Variants in MCPH1 observed in about 807,000 individuals in gnomAD.
The protein encoded by MCPH1 is microcephalin 1.
Under a neutral mutation model 84.5 loss-of-function variants are expected in MCPH1, and 104 were observed. The ratio of observed to expected loss-of-function variants is 1.23; its 90% CI spans 1.05 to 1.45. The LOEUF (loss-of-function observed/expected upper bound fraction) is 1.45. MCPH1 is among the 40% of genes most tolerant of loss of function. The pLI, the probability that MCPH1 is intolerant of heterozygous loss-of-function variation, is 0.00. For missense variants in MCPH1, 1,498 were observed against 1,005.7 expected, an observed-to-expected ratio of 1.49 and a Z score of -6.62; for synonymous variants, 514 against 366.8, an observed-to-expected ratio of 1.40 and a Z score of -4.58.
At chr8:6,593,117 C>G (rs1446662981) in intron 12 of MCPH1, among the ~76,000 whole-genome samples, 1 of 125,066 alleles carries the variant, frequency 8.0e-6, no homozygotes, top group African/African-American at 3.0e-5. Context: ...GAGTTTCGCT[C>G]TTGTTGCCCA....
At position 6,646,709 on chromosome 8, in the gene MCPH1, C is replaced by T. The variant is rs568291601; in HGVS notation, c.*3660C>T. On this transcript the variant is annotated 3_prime_UTR_variant, in exon 14 of 14. Transcript: ENST00000344683. ...TGTAGAATGTTTAGCTGCATCCTGG[C>T]CTCTGCCTATTAGATGCCAGTGGCA... 2 of 152,308 alleles carry T rather than the reference C, an allele frequency of 1.3e-5. No individual in the cohort carries two copies. Among genetic ancestry groups the T allele is most frequent in the South Asian group, 4.1e-4 (2 of 4,830 alleles). 9.4% of individuals were successfully genotyped at this position (152,308 alleles called of 1,614,324 possible). A position where few individuals can be genotyped will look rare whatever the true frequency, so the allele number is the denominator to read the frequency against.
At chr8:6,484,218 CAG>C (rs778283416) in intron 11 of MCPH1, among the ~76,000 whole-genome samples, 32 of 152,114 alleles carry the variant, frequency 2.1e-4, no homozygotes, top group Non-Finnish European at 4.0e-4. Context: ...AATAAGAAAA[CAG>C]AACAGCTCAA....
chr8:6,521,317 T>C, intron 12 of MCPH1: 1 of 1,613,872 alleles, frequency 6.2e-7, no homozygotes, highest in Non-Finnish European at 8.5e-7. Context: ...TTTGCTTGGA[T>C]ACTAACACCT....
chr8:6,638,291 G>C (rs1325039960), intron 13 of MCPH1, among the ~76,000 whole-genome samples: 2 of 152,210 alleles, frequency 1.3e-5, no homozygotes, highest in Admixed American at 1.3e-4. Flanking sequence ...GATGTGGCTA[G>C]ATCTCCTAGC....
chr8:6,576,405 A>C (rs919333320), intron 12 of MCPH1, among the ~76,000 whole-genome samples: 2 of 152,152 alleles, frequency 1.3e-5, no homozygotes, highest in African/African-American at 4.8e-5. Context: ...ATAATGGCTC[A>C]TTATCCTCGC....
intron 10 of MCPH1, among the ~76,000 whole-genome samples, chr8:6,478,077 C>G (rs933980649): frequency 2.6e-5 from 4 of 152,160 alleles, no homozygotes; most frequent in African/African-American, 9.7e-5. Context: ...TTTAACACAA[C>G]AAAGAACATC....
At chr8:6,467,405 A>T (rs1350500690) in intron 9 of MCPH1, among the ~76,000 whole-genome samples, 1 of 152,174 alleles carries the variant, frequency 6.6e-6, no homozygotes, top group Non-Finnish European at 1.5e-5. Flanking sequence ...TTTGCAATCT[A>T]GTTCTCATCA....
At chr8:6,635,049 G>C (rs1041724270) in intron 13 of MCPH1, 1 of 152,176 alleles carries the variant, frequency 6.6e-6, no homozygotes, top group Non-Finnish European at 1.5e-5. Context: ...TGTGTTCAGT[G>C]ATGATGATGA....
chr8:6,412,147 G>T (rs1446116099), intron 2 of MCPH1, among the ~76,000 whole-genome samples: 1 of 152,184 alleles, frequency 6.6e-6, no homozygotes, highest in African/African-American at 2.4e-5. Context: ...TGAGTAAGAG[G>T]TCAGTGGAGA....
rs1452981227 is a variant in MCPH1 at position 6,442,141 on chromosome 8, G to A, written c.655G>A (p.Asp219Asn). ...TGAAGCACCTTTGAACATTTCACGT[G>A]ATACTTTGTGTTCAGGTAAAATTTT... ...LCEAPLNISR[D>N]TLCSDEYFAG... Residue 219 changes from aspartate (D) to asparagine (N), a missense_variant, in exon 7 of 14, where the codon GAT becomes AAT. Physicochemically the swap from Asp to Asn is conservative, Grantham distance 23. Coordinates refer to ENST00000344683, the MANE Select transcript of MCPH1 (RefSeq NM_024596.5). 2 of 1,607,970 alleles carry A rather than the reference G, an allele frequency of 1.2e-6. No homozygotes were observed. The highest frequency in any genetic ancestry group is 3.3e-5 in the Admixed American group (2 of 60,000).
intron 12 of MCPH1, among the ~76,000 whole-genome samples, chr8:6,560,213 T>C (rs568472766): frequency 4.6e-5 from 7 of 152,316 alleles, no homozygotes; most frequent in South Asian, 2.1e-4. Flanking sequence ...AAAGGAGATA[T>C]GGAAACATTT....
At chr8:6,501,782 C>G (rs1180169195) in intron 12 of MCPH1, 2 of 152,002 alleles carry the variant, frequency 1.3e-5, no homozygotes, top group African/African-American at 2.4e-5. Context: ...GTCTTGAACT[C>G]CTGACCTCAG....
chr8:6,476,412 A>G lies in MCPH1; in HGVS notation c.1936-1182A>G, dbSNP rs1462469583. The stretch of plus-strand genomic sequence containing the variant: ...CCATTGCACTCCAGTCTGGGCAACA[A>G]GAGCAAAACTCCATCTCAAAAAAAA... On this transcript the variant is annotated intron_variant, in intron 9 of 13. Transcript: ENST00000344683. Among the ~76,000 whole-genome samples, 29 of 150,458 alleles carry G rather than the reference A, an allele frequency of 1.9e-4. 2 individuals are homozygous for G. The highest frequency in any genetic ancestry group is 1.5e-5 in the Non-Finnish European group (1 of 67,652).
intron 12 of MCPH1, among the ~76,000 whole-genome samples, chr8:6,572,132 G>A (rs1317087540): frequency 6.6e-6 from 1 of 151,958 alleles, no homozygotes; most frequent in Admixed American, 6.6e-5. Flanking sequence ...TACAAAGACT[G>A]AAGAGAGGAT....
At chr8:6,524,374 G>T (rs1817944689) in intron 12 of MCPH1, among the ~76,000 whole-genome samples, 1 of 152,166 alleles carries the variant, frequency 6.6e-6, no homozygotes, top group Non-Finnish European at 1.5e-5. Flanking sequence ...TTCTGCGAAG[G>T]CATATGAAGA....
chr8:6,466,819 G>T (rs533243910), intron 9 of MCPH1, among the ~76,000 whole-genome samples: 5 of 151,936 alleles, frequency 3.3e-5, no homozygotes, highest in African/African-American at 1.2e-4. Flanking sequence ...CAAGTGTTCC[G>T]CCCACCTTGG....
At chr8:6,490,092 CTG>C (rs1491377298) in intron 11 of MCPH1, among the ~76,000 whole-genome samples, 3 of 150,452 alleles carry the variant, frequency 2.0e-5, no homozygotes, top group Non-Finnish European at 4.4e-5. Context: ...TGCCTTATGA[CTG>C]AGACCTCCAG....
At chr8:6,523,184 A>C (rs931292950) in intron 12 of MCPH1, among the ~76,000 whole-genome samples, 1 of 152,100 alleles carries the variant, frequency 6.6e-6, no homozygotes, top group African/African-American at 2.4e-5. Context: ...TTTTTAGTAG[A>C]GATGGGCTTT....
intron 12 of MCPH1, among the ~76,000 whole-genome samples, chr8:6,594,822 T>A (rs1787879364): frequency 6.6e-6 from 1 of 152,156 alleles, no homozygotes; most frequent in South Asian, 2.1e-4. Flanking sequence ...AATTACAGCA[T>A]GTGGAAAGAC....
Sources: allele counts gnomAD v4.1 joint callset (sites outside exome capture counted in the v4.1 genomes callset), GRCh38; gene constraint gnomAD v4.1.1; transcripts MANE v1.5; gene names NCBI Gene and HGNC (gene_info 2026-07-23, HGNC 2026-07-21).